Variants in PHF20 observed in about 807,000 individuals in gnomAD.
PHF20 encodes the protein PHD finger protein 20, also known as glioma-expressed antigen 2.
PHF20 carries 23 observed loss-of-function variants against 113.5 expected under a neutral mutation model. That is an observed-to-expected ratio of 0.20 (90% CI 0.15 to 0.29). PHF20 has a LOEUF of 0.29. PHF20 is among the 10% of genes least tolerant of loss of function. PHF20 has a pLI of 1.00. For synonymous variants in PHF20, 434 were observed against 457.3 expected (o/e 0.95, Z 0.65); for missense variants, 943 against 1,219.6 (o/e 0.77, Z 3.38).
chr20:35,814,027 G>A (rs1346325334), intron 2 of PHF20, among the ~76,000 whole-genome samples: 1 of 148,078 alleles, frequency 6.8e-6, no homozygotes, highest in Non-Finnish European at 1.5e-5. Flanking sequence ...ATAAGAATAA[G>A]ACTCTATCTC....
intron 9 of PHF20, among the ~76,000 whole-genome samples, chr20:35,876,263 T>C (rs578147399): frequency 6.6e-6 from 1 of 152,216 alleles, no homozygotes; most frequent in Admixed American, 6.6e-5. Context: ...GCTTTTTGCT[T>C]TAGTGACTTA....
intron 1 of PHF20, among the ~76,000 whole-genome samples, chr20:35,784,336 G>A (rs2041364880): frequency 2.6e-5 from 4 of 151,362 alleles, no homozygotes; most frequent in African/African-American, 9.7e-5. Flanking sequence ...ACAGGCGTGA[G>A]CCACTGCACC....
At chr20:35,884,586 C>T (rs1205582081) in intron 9 of PHF20, among the ~76,000 whole-genome samples, 4 of 152,056 alleles carry the variant, frequency 2.6e-5, no homozygotes, top group Non-Finnish European at 4.4e-5. Context: ...AAGTATTTTT[C>T]CTACGTATGT....
At chr20:35,791,449 C>G (rs2041546812) in intron 1 of PHF20, among the ~76,000 whole-genome samples, 1 of 17,862 alleles carries the variant, frequency 5.6e-5, no homozygotes, top group Non-Finnish European at 1.1e-4. Flanking sequence ...TAGTATCTAT[C>G]TATCTATCTA....
chr20:35,945,183 C>T (rs978307174), intron 17 of PHF20, among the ~76,000 whole-genome samples: 14 of 152,132 alleles, frequency 9.2e-5, no homozygotes, highest in Non-Finnish European at 1.6e-4. Context: ...ATGGGTAGGG[C>T]GCTTTGCTGG....
intron 7 of PHF20, among the ~76,000 whole-genome samples, chr20:35,869,890 T>C (rs2054386959): frequency 1.3e-5 from 2 of 152,170 alleles, no homozygotes; most frequent in African/African-American, 4.8e-5. Context: ...CCTGGCGCAG[T>C]GGCTCATGCC....
intron 9 of PHF20, among the ~76,000 whole-genome samples, chr20:35,893,993 G>A (rs1337729597): frequency 6.6e-6 from 1 of 152,200 alleles, no homozygotes; most frequent in African/African-American, 2.4e-5. Context: ...GTACTATCCT[G>A]CATTGTATAG....
intron 2 of PHF20, among the ~76,000 whole-genome samples, chr20:35,814,275 T>C (rs1283612164): frequency 6.6e-6 from 1 of 151,830 alleles, no homozygotes; most frequent in Non-Finnish European, 1.5e-5. Flanking sequence ...TGGAGTGCAG[T>C]GGTACGATCT....
Position 35,913,293 on chromosome 20 carries a change from T to C in PHF20, c.1606T>C (p.Phe536Leu). Residue 536 changes from phenylalanine to leucine, a missense_variant, in exon 11 of 18, where the codon TTT becomes CTT. This residue lies in a region of PHF20 where 592 missense variants were observed against 787.2 expected (regional missense o/e 0.75). Coordinates refer to ENST00000374012, the MANE Select transcript of PHF20 (RefSeq NM_016436.5). ...EKNKEKKFKE[F>L]VRVKPKKKKK... ...GAATAAAGAGAAGAAATTCAAGGAG[T>C]TTGTGAGAGTGAAGCCAAAGAAGAA... 1 of 1,603,566 alleles carries C rather than the reference T, an allele frequency of 6.2e-7. No homozygotes were observed. The highest frequency in any genetic ancestry group is 1.1e-5 in the South Asian group (1 of 89,274).
intron 13 of PHF20, among the ~76,000 whole-genome samples, chr20:35,921,156 G>A (rs772412313): frequency 2.0e-5 from 3 of 152,114 alleles, no homozygotes; most frequent in Non-Finnish European, 2.9e-5. Context: ...TTGTCAGGGT[G>A]ACTTTTCCTG....
chr20:35,932,428 A>ATTTT (rs753265544), intron 15 of PHF20, among the ~76,000 whole-genome samples: 1,513 of 104,620 alleles, frequency 0.014, 104 homozygotes, highest in African/African-American at 0.053. Flanking sequence ...CATCTTAACC[A>ATTTT]TTTTTTTTTT....
intron 1 of PHF20, among the ~76,000 whole-genome samples, chr20:35,785,226 A>G (rs187018454): frequency 6.6e-6 from 1 of 152,270 alleles, no homozygotes; most frequent in African/African-American, 2.4e-5. Context: ...AGGATTTAGC[A>G]TGTGGTGATA....
chr20:35,873,360 C>G (rs919195544), intron 9 of PHF20, among the ~76,000 whole-genome samples: 1 of 151,904 alleles, frequency 6.6e-6, no homozygotes, highest in Non-Finnish European at 1.5e-5. Context: ...CTCGGCCTCC[C>G]AAAGTGCTAG....
chr20:35,795,027 A>G (rs2041638129), intron 1 of PHF20, among the ~76,000 whole-genome samples: 1 of 151,970 alleles, frequency 6.6e-6, no homozygotes, highest in East Asian at 1.9e-4. Flanking sequence ...CCCTGTCTCT[A>G]CTAAAAATAC....
chr20:35,813,125 G>T (rs1162972913), intron 2 of PHF20, among the ~76,000 whole-genome samples: 1 of 151,856 alleles, frequency 6.6e-6, no homozygotes, highest in Non-Finnish European at 1.5e-5. Flanking sequence ...CCGCCACCAC[G>T]CCCGGCTAAT....
intron 1 of PHF20, among the ~76,000 whole-genome samples, chr20:35,786,028 T>C (rs796532064): frequency 3.8e-5 from 5 of 132,978 alleles, no homozygotes; most frequent in African/African-American, 1.4e-4. Flanking sequence ...CGCAACTCCA[T>C]CTCAAAAAAA....
intron 3 of PHF20, among the ~76,000 whole-genome samples, chr20:35,845,047 A>G (rs2042598770): frequency 6.6e-6 from 1 of 152,148 alleles, no homozygotes; most frequent in African/African-American, 2.4e-5. Flanking sequence ...GTCCTGGACC[A>G]GTTCTGGACC....
chr20:35,928,333 G>T (rs1023729044), intron 14 of PHF20, among the ~76,000 whole-genome samples: 10 of 151,434 alleles, frequency 6.6e-5, no homozygotes, highest in African/African-American at 2.2e-4. Flanking sequence ...CAGCTACTTG[G>T]GAGGCTGAGG....
At chr20:35,904,729 G>A (rs2055167160) in intron 10 of PHF20, among the ~76,000 whole-genome samples, 2 of 145,092 alleles carry the variant, frequency 1.4e-5, no homozygotes. Context: ...TTCCCTTTGT[G>A]ATCTCAGGCA....
Sources: allele counts gnomAD v4.1 joint callset (sites outside exome capture counted in the v4.1 genomes callset), GRCh38; gene constraint gnomAD v4.1.1; regional missense constraint gnomAD v4.1.1; transcripts MANE v1.5; gene names NCBI Gene and HGNC (gene_info 2026-07-23, HGNC 2026-07-21).